NAA50: variants seen among roughly 807,000 people sequenced by gnomAD.
NAA50 encodes N-alpha-acetyltransferase 50, NatE catalytic subunit.
A neutral mutation model predicts 20.7 loss-of-function variants in NAA50; 7 were observed. The observed-to-expected ratio is 0.34, with a 90% CI of 0.19 to 0.63. NAA50 has a LOEUF of 0.63. Ranked by LOEUF, NAA50 falls within the 30% of genes least tolerant of loss-of-function variation. The pLI is 0.75. For synonymous variants in NAA50, 54 were observed against 70.6 expected (o/e 0.77, Z 1.18); for missense variants, 111 against 199.1 (o/e 0.56, Z 2.66).
At chr3:113,742,096 AAG>A (rs1485357752) in intron 1 of NAA50, among the ~76,000 whole-genome samples, 1 of 152,340 alleles carries the variant, frequency 6.6e-6, no homozygotes, top group East Asian at 1.9e-4. Context: ...GCACATTACA[AAG>A]TATTTGTTAA....
rs559923662 is a variant in NAA50, at chr3:113,746,142, C to T, written c.-193G>A. 1.6e-6 allele frequency: 1 copy of T among 611,630 alleles called. No individual in the cohort carries two copies. Among genetic ancestry groups the T allele is most frequent in the Non-Finnish European group, 2.7e-6 (1 of 370,450 alleles). 37.9% of individuals were successfully genotyped at this position (611,630 alleles called of 1,614,324 possible). A position where few individuals can be genotyped will look rare whatever the true frequency, so the allele number is the denominator to read the frequency against. ...TTGAGTCTGGTGGGGGCGGGAGTGT[C>T]TCCCGCCGCCGCGCTTGTGCCGCCG... On this transcript the variant is annotated 5_prime_UTR_variant, in exon 1 of 5. Coordinates refer to ENST00000240922, the MANE Select transcript of NAA50 (RefSeq NM_025146.4).
At chr3:113,725,854 TATA>T (rs1708192489) in intron 1 of NAA50, among the ~76,000 whole-genome samples, 1 of 152,358 alleles carries the variant, frequency 6.6e-6, no homozygotes, top group East Asian at 1.9e-4. Flanking sequence ...TATTTTATCT[TATA>T]GTACAAAGTT....
intron 1 of NAA50, among the ~76,000 whole-genome samples, chr3:113,737,857 G>A (rs186901131): frequency 6.6e-6 from 1 of 152,234 alleles, no homozygotes; most frequent in Admixed American, 6.5e-5. Context: ...GGAAGAGGGG[G>A]TGGGGGGTTG....
intron 1 of NAA50, among the ~76,000 whole-genome samples, chr3:113,736,739 G>T (rs1354222389): frequency 6.6e-6 from 1 of 152,120 alleles, no homozygotes; most frequent in Non-Finnish European, 1.5e-5. Context: ...TTGCCCAGGG[G>T]CCTTGAACTG....
rs1708104126 is a variant in NAA50 at position 113,719,425 on chromosome 3, A to T, written c.*2335T>A. 1 of 152,442 alleles carries T rather than the reference A, an allele frequency of 6.6e-6. No homozygotes were observed. The highest frequency in any genetic ancestry group is 2.4e-5 in the African/African-American group (1 of 41,274). The allele number at this position is 152,442 out of a possible 1,614,324, so 9.4% of individuals were successfully genotyped here. On this transcript the variant is annotated 3_prime_UTR_variant, in exon 5 of 5. Coordinates refer to ENST00000240922, the MANE Select transcript of NAA50 (RefSeq NM_025146.4). ...AACAGAATTGTTCTACTTCAAAGAT[A>T]ATTATTATCATATATCAAAATAACC...
At chr3:113,735,307 A>C (rs1410072607) in intron 1 of NAA50, among the ~76,000 whole-genome samples, 1 of 152,242 alleles carries the variant, frequency 6.6e-6, no homozygotes, top group African/African-American at 2.4e-5. Context: ...GCCAGTTAAA[A>C]ATTCAGATTC....
rs565340033 is a variant in NAA50, at chr3:113,744,466, T to TAA, written c.8+1474_8+1475dup. Among the ~76,000 whole-genome samples, 7 of 141,890 alleles carry TAA rather than the reference T, an allele frequency of 4.9e-5. No homozygotes were observed. In the East Asian group the frequency reaches 6.0e-4, roughly 12 times the overall value. The allele number at this position is 141,890 out of a possible 152,430, so 93.1% of individuals were successfully genotyped here. A position where few individuals can be genotyped will look rare whatever the true frequency, so the allele number is the denominator to read the frequency against. On this transcript the variant is annotated intron_variant, in intron 1 of 4. Coordinates refer to ENST00000240922, the MANE Select transcript of NAA50 (RefSeq NM_025146.4). ...GCAACAGAGCCAGACCCTGCCTCAT[T>TAA]AAAAAAAAAAAAATGAAAAGAACAA... is the stretch of plus-strand genomic sequence containing the variant.
chr3:113,727,039 A>C lies in NAA50; in HGVS notation c.9-2944T>G, dbSNP rs1028517296. ...GTTCCTGAGCTCAAGTGATCCGCCC[A>C]CCTTGGCCTACCAAAGTGCTGGGCC... is the stretch of plus-strand genomic sequence containing the variant. On this transcript the variant is annotated intron_variant, in intron 1 of 4. Transcript: ENST00000240922. Among the ~76,000 whole-genome samples the C allele has an allele frequency of 8.5e-5, 13 of 152,290 alleles. 1 individual carries two copies. The East Asian group carries it at 2.5e-3, about 30-fold the overall frequency.
At chr3:113,731,230 G>T (rs1577069957) in intron 1 of NAA50, among the ~76,000 whole-genome samples, 2 of 152,170 alleles carry the variant, frequency 1.3e-5, no homozygotes, top group East Asian at 1.9e-4. Context: ...CTTGTCATTT[G>T]TAAGTTATGT....
chr3:113,737,897 T>C (rs1305567312), intron 1 of NAA50, among the ~76,000 whole-genome samples: 2 of 152,108 alleles, frequency 1.3e-5, no homozygotes, highest in African/African-American at 4.8e-5. Flanking sequence ...ATCTAGAGGT[T>C]TGGCAGTAAT....
intron 1 of NAA50, among the ~76,000 whole-genome samples, chr3:113,744,224 G>T (rs1708458916): frequency 6.6e-6 from 1 of 152,176 alleles, no homozygotes; most frequent in African/African-American, 2.4e-5. Context: ...CACTTTGGGA[G>T]GCAGAGGTGG....
In NAA50 at chr3:113,721,837, C is replaced by T. The variant is rs777291080; in HGVS notation, c.433G>A (p.Ala145Thr). 9 of 1,613,794 alleles carry T rather than the reference C, an allele frequency of 5.6e-6. No individual in the cohort carries two copies. Among genetic ancestry groups the T allele is most frequent in the East Asian group, 4.5e-5 (2 of 44,888 alleles). The part of the protein sequence containing the change: ...KKNYYKRIEP[A>T]DAHVLQKNLK... ...TTTTTCTGCAGCACATGAGCATCTG[C>T]GGGCTCTATCCTCTTATAGTAGTTC... The change falls in exon 5 of 5, where the codon GCA becomes ACA. Residue 145 changes from alanine to threonine, a missense_variant. Transcript: ENST00000240922.
At chr3:113,742,798 G>T (rs1708436233) in intron 1 of NAA50, among the ~76,000 whole-genome samples, 1 of 151,950 alleles carries the variant, frequency 6.6e-6, no homozygotes, top group Admixed American at 6.6e-5. Flanking sequence ...TTCACATTTT[G>T]TTAAAGACAT....
intron 1 of NAA50, among the ~76,000 whole-genome samples, chr3:113,733,477 T>C (rs1559740479): frequency 6.6e-6 from 1 of 152,132 alleles, no homozygotes; most frequent in Non-Finnish European, 1.5e-5. Context: ...AGAAAATAAG[T>C]ACAAACTGGA....
chr3:113,738,886 T>C (rs965779946), intron 1 of NAA50, among the ~76,000 whole-genome samples: 3 of 152,160 alleles, frequency 2.0e-5, no homozygotes, highest in Admixed American at 1.3e-4. Context: ...GTTTCACCTC[T>C]AAAAATTTTT....
At chr3:113,728,519 T>C (rs1708229714) in intron 1 of NAA50, among the ~76,000 whole-genome samples, 1 of 152,182 alleles carries the variant, frequency 6.6e-6, no homozygotes, top group African/African-American at 2.4e-5. Flanking sequence ...AGATGCAGTC[T>C]AATAAAACAT....
chr3:113,726,343 T>C (rs1708199429), intron 1 of NAA50, among the ~76,000 whole-genome samples: 1 of 152,208 alleles, frequency 6.6e-6, no homozygotes, highest in South Asian at 2.1e-4. Context: ...ATCCCAAGTA[T>C]TTGACAACTA....
chr3:113,737,707 A>G (rs1241934284), intron 1 of NAA50, among the ~76,000 whole-genome samples: 1 of 152,202 alleles, frequency 6.6e-6, no homozygotes, highest in Non-Finnish European at 1.5e-5. Flanking sequence ...TTGGGGCTAC[A>G]TTATTCTTTG....
At chr3:113,745,148 A>C (rs1306585541) in intron 1 of NAA50, among the ~76,000 whole-genome samples, 2 of 152,204 alleles carry the variant, frequency 1.3e-5, no homozygotes, top group African/African-American at 4.8e-5. Flanking sequence ...ATTTCATAAA[A>C]ACTTAACCAG....
Sources: allele counts gnomAD v4.1 joint callset (sites outside exome capture counted in the v4.1 genomes callset), GRCh38; gene constraint gnomAD v4.1.1; transcripts MANE v1.5; gene names NCBI Gene and HGNC (gene_info 2026-07-23, HGNC 2026-07-21).